Variants in MBNL2 observed in about 807,000 individuals in gnomAD.
MBNL2 encodes the protein muscleblind-like protein 2.
In MBNL2, 17 loss-of-function variants were observed where a neutral mutation model predicts 41.9. The observed-to-expected ratio is 0.41, with a 90% CI of 0.28 to 0.61. The LOEUF is 0.61. Among genes scored for constraint, MBNL2 ranks in the 20% least tolerant of loss-of-function variants. MBNL2 has a pLI of 0.35. For synonymous variants in MBNL2, 195 were observed against 182.9 expected (o/e 1.07, Z -0.53); for missense variants, 336 against 505.6 (o/e 0.66, Z 3.22).
At chr13:97,338,093 C>T (rs1444238802) in intron 3 of MBNL2, among the ~76,000 whole-genome samples, 1 of 152,200 alleles carries the variant, frequency 6.6e-6, no homozygotes, top group Non-Finnish European at 1.5e-5. Context: ...CCTGTCACTC[C>T]CTTATGTGCC....
At chr13:97,296,028 A>T (rs1594172758) in intron 2 of MBNL2, among the ~76,000 whole-genome samples, 5 of 152,328 alleles carry the variant, frequency 3.3e-5, no homozygotes, top group African/African-American at 1.2e-4. Flanking sequence ...AAACTTCCAC[A>T]TTAAATATCT....
chr13:97,294,666 T>C (rs950054243), intron 2 of MBNL2, among the ~76,000 whole-genome samples: 5 of 152,176 alleles, frequency 3.3e-5, no homozygotes, highest in African/African-American at 1.2e-4. Context: ...CATGGCCAAA[T>C]TTAGAAAACA....
chr13:97,263,039 G>A (rs374456651), intron 1 of MBNL2, among the ~76,000 whole-genome samples: 9 of 152,004 alleles, frequency 5.9e-5, no homozygotes, highest in Middle Eastern at 3.4e-3. Context: ...CACTCGCCTC[G>A]GCCTCCCAAA....
intron 8 of MBNL2, among the ~76,000 whole-genome samples, chr13:97,385,157 C>A (rs1177542412): frequency 6.6e-6 from 1 of 152,122 alleles, no homozygotes; most frequent in Non-Finnish European, 1.5e-5. Flanking sequence ...ATTTAGCCAT[C>A]CATGCAAGCA....
chr13:97,329,451 C>T (rs61972768), intron 2 of MBNL2, among the ~76,000 whole-genome samples: 3 of 151,852 alleles, frequency 2.0e-5, no homozygotes, highest in Non-Finnish European at 2.9e-5. Context: ...CCCCTTGGCT[C>T]GTCTCCCATT....
chr13:97,164,174 T>C, the MBNL2 span, among the ~76,000 whole-genome samples: 1 of 152,112 alleles, frequency 6.6e-6, no homozygotes, highest in African/African-American at 2.4e-5. Context: ...GTCCAGCTAA[T>C]TTTTTGTATT....
intron 2 of MBNL2, among the ~76,000 whole-genome samples, chr13:97,327,157 G>C (rs1265460487): frequency 6.6e-6 from 1 of 152,172 alleles, no homozygotes; most frequent in Non-Finnish European, 1.5e-5. Flanking sequence ...AGGTCTGTTT[G>C]ATCGAAATTT....
chr13:97,190,016 G>A, the MBNL2 span, among the ~76,000 whole-genome samples: 3 of 152,228 alleles, frequency 2.0e-5, no homozygotes, highest in Non-Finnish European at 2.9e-5. Context: ...CTTTTGGGCA[G>A]AGGAGTTCAA....
intron 2 of MBNL2, among the ~76,000 whole-genome samples, chr13:97,329,218 G>A (rs927791844): frequency 2.0e-4 from 30 of 152,108 alleles, no homozygotes; most frequent in African/African-American, 7.2e-4. Context: ...AAATATTCCT[G>A]GAGTACAGAT....
chr13:97,239,713 C>T (rs2043918029), intron 1 of MBNL2, among the ~76,000 whole-genome samples: 1 of 152,196 alleles, frequency 6.6e-6, no homozygotes. Flanking sequence ...ACTGTGAGTT[C>T]TCTGGAGCGT....
chr13:97,175,359 TG>T, the MBNL2 span, among the ~76,000 whole-genome samples: 1 of 152,188 alleles, frequency 6.6e-6, no homozygotes, highest in African/African-American at 2.4e-5. Context: ...AATCCTGACT[TG>T]AAGTCTTCTT....
chr13:97,163,809 A>T, the MBNL2 span, among the ~76,000 whole-genome samples: 1 of 152,146 alleles, frequency 6.6e-6, no homozygotes, highest in South Asian at 2.1e-4. Flanking sequence ...TATAAGAAAA[A>T]GGGAAATTTG....
intron 1 of MBNL2, among the ~76,000 whole-genome samples, chr13:97,266,195 T>G (rs897217122): frequency 1.3e-5 from 2 of 152,118 alleles, no homozygotes; most frequent in East Asian, 3.9e-4. Flanking sequence ...TGAGCCGAGA[T>G]TGTGCCACTG....
the MBNL2 span, among the ~76,000 whole-genome samples, chr13:97,163,689 G>A: frequency 2.6e-5 from 4 of 152,098 alleles, no homozygotes; most frequent in Admixed American, 1.3e-4. Context: ...TCGCTCACAC[G>A]GCAGAGGCTG....
rs1197675648 is a variant in MBNL2, at chr13:97,391,422, A to T, written c.1149A>T (p.Ser383=). ...GTACATACTATCCTGTTTCCTCCTCAATAGAATTGCCACAAACTGCATGCT... is the reference window on the plus strand; with the variant it reads ...GTACATACTATCCTGTTTCCTCCTCTATAGAATTGCCACAAACTGCATGCT... ...CYCTYYPVSS[S]IELPQTAC Residue 383 remains serine (S), a synonymous_variant, in exon 9 of 9, where the codon TCA becomes TCT. Coordinates refer to ENST00000679496, the MANE Select transcript of MBNL2 (RefSeq NM_001382683.1). The T allele has an allele frequency of 1.3e-6, 2 of 1,488,022 alleles. No individual in the cohort carries two copies. Among genetic ancestry groups the T allele is most frequent in the South Asian group, 2.3e-5 (2 of 88,378 alleles). The allele number at this position is 1,488,022 out of a possible 1,614,324, so 92.2% of individuals were successfully genotyped here. A position where few individuals can be genotyped will look rare whatever the true frequency, so the allele number is the denominator to read the frequency against.
intron 7 of MBNL2, among the ~76,000 whole-genome samples, chr13:97,363,822 C>A (rs757721129): frequency 1.2e-4 from 18 of 152,126 alleles, no homozygotes; most frequent in Non-Finnish European, 2.2e-4. Flanking sequence ...CCCCTCCTGA[C>A]TAGGTCATGT....
At chr13:97,271,119 T>G (rs2050871029) in intron 1 of MBNL2, among the ~76,000 whole-genome samples, 1 of 150,798 alleles carries the variant, frequency 6.6e-6, no homozygotes, top group Admixed American at 6.6e-5. Flanking sequence ...TTTGTTTTTT[T>G]TTTTTTGTTT....
At chr13:97,236,859 T>C (rs2043373732) in intron 1 of MBNL2, among the ~76,000 whole-genome samples, 1 of 152,240 alleles carries the variant, frequency 6.6e-6, no homozygotes, top group Non-Finnish European at 1.5e-5. Flanking sequence ...TGTCATTATA[T>C]ACAAAACATC....
the MBNL2 span, among the ~76,000 whole-genome samples, chr13:97,199,163 C>T: frequency 2.0e-5 from 3 of 152,120 alleles, no homozygotes; most frequent in Non-Finnish European, 2.9e-5. Flanking sequence ...TTGCATTTGC[C>T]ATTCTCTCTT....
Sources: gnomAD v4.1 joint callset for allele counts (sites outside exome capture counted in the v4.1 genomes callset) on GRCh38, gnomAD v4.1.1 for gene constraint, MANE v1.5 for transcripts, NCBI Gene and HGNC (gene_info 2026-07-23, HGNC 2026-07-21) for gene names.